Variants in FAM234A observed in about 807,000 individuals in gnomAD.
FAM234A encodes family with sequence similarity 234 member A, also known as protein FAM234A.
A neutral mutation model predicts 49.1 loss-of-function variants in FAM234A; 42 were observed. That is an observed-to-expected ratio of 0.86 (90% CI 0.67 to 1.11). The LOEUF is 1.11. FAM234A is among the 50% of genes least tolerant of loss of function. The pLI, the probability that FAM234A is intolerant of heterozygous loss-of-function variation, is 0.00. For missense variants in FAM234A, 815 were observed against 745.2 expected (o/e 1.09, Z -1.09); for synonymous variants, 369 against 316.2 (o/e 1.17, Z -1.77).
At chr16:248,675 C>T (rs954485333) in intron 1 of FAM234A, among the ~76,000 whole-genome samples, 1 of 151,840 alleles carries the variant, frequency 6.6e-6, no homozygotes, top group Admixed American at 6.6e-5. Context: ...GGATGGAGTG[C>T]AGTGTCCTGG....
chr16:239,586 G>T (rs2050540033), intron 1 of FAM234A, among the ~76,000 whole-genome samples: 1 of 148,326 alleles, frequency 6.7e-6, no homozygotes, highest in Non-Finnish European at 1.5e-5. Context: ...CTGCACTCCA[G>T]CCTGGGTGAC....
downstream of FAM234A, chr16:269,117 TGCACCCCACAGAAGACTGG>T: frequency 1.1e-6 from 1 of 890,574 alleles, no homozygotes; most frequent in Non-Finnish European, 1.8e-6. Flanking sequence ...AGGGAGGCTG[TGCACCCCACAGAAGACTGG>T]GCCCCCTGGG....
intron 3 of FAM234A, 116 bp downstream of exon 3, chr16:254,797 T>G: frequency 9.4e-7 from 1 of 1,064,748 alleles, no homozygotes; most frequent in Non-Finnish European, 1.4e-6. Flanking sequence ...AGTGAATCAA[T>G]CCCAAGAGGC....
In FAM234A at chr16:254,680, T is replaced by G; in HGVS notation, c.267T>G (p.Ala89=). 6.2e-7 allele frequency: 1 copy of G among 1,613,004 alleles called. No homozygotes were observed. Among genetic ancestry groups the G allele is most frequent in the Non-Finnish European group, 8.5e-7 (1 of 1,179,618 alleles). ...TGTGGAGGATAGACTACAGTGCCGC[T>G]GGTGAGCCTCGGCTTCCCCGCCCAG... ...QRMWRIDYSA[A]VIYDFLAVDD... Residue 89 remains alanine, a splice_region_variant and synonymous_variant, in exon 3 of 13, where the codon GCT becomes GCG. Transcript: ENST00000399932.
downstream of FAM234A, chr16:269,565 C>G (rs776533805): frequency 5.0e-6 from 8 of 1,613,394 alleles, no homozygotes; most frequent in South Asian, 5.5e-5. Context: ...TGTCAGACTT[C>G]AGGAACCTTG....
chr16:246,012 C>T (rs1389744764), intron 1 of FAM234A, among the ~76,000 whole-genome samples: 1 of 151,916 alleles, frequency 6.6e-6, no homozygotes, highest in Non-Finnish European at 1.5e-5. Context: ...CTAGACCAGC[C>T]TGATCATCAT....
rs117776583 is a variant in FAM234A at position 241,476 on chromosome 16, C to A, written c.-140+6619C>A. 5.1e-3 allele frequency among the ~76,000 whole-genome samples: 778 copies of A among 152,158 alleles called. 43 individuals carry two copies. The East Asian group carries it at 0.11, about 22-fold the overall frequency. On this transcript the variant is annotated intron_variant, in intron 1 of 12. Transcript: ENST00000399932. ...AGCTGGTGCATGCCTGTGCTCCCAGCTACTGGGGAGCCTGAGGCGGGAGGA... is the reference window on the plus strand; with the variant it reads ...AGCTGGTGCATGCCTGTGCTCCCAGATACTGGGGAGCCTGAGGCGGGAGGA...
chr16:238,265 C>T (rs1180114273), intron 1 of FAM234A, among the ~76,000 whole-genome samples: 3 of 152,110 alleles, frequency 2.0e-5, no homozygotes, highest in Non-Finnish European at 2.9e-5. Flanking sequence ...GTGATCTGCC[C>T]ATCTTGGCTT....
Position 264,927 on chromosome 16 carries a change from A to G in FAM234A, c.1564A>G (p.Ser522Gly), listed in dbSNP as rs2051638148. The change falls in exon 13 of 13, where the codon AGC becomes GGC. Residue 522 changes from serine to glycine, a missense_variant. Coordinates refer to ENST00000399932, the MANE Select transcript of FAM234A (RefSeq NM_032039.4). ...IKHKVRDLVP[S>G]SRVVRLGEGG... is the part of the protein sequence containing the mutation. ...GCACAAGGTGCGGGACCTTGTCCCAAGCAGCAGGGTGGTCCGCCTGGGTGA... is the reference window on the plus strand; with the variant it reads ...GCACAAGGTGCGGGACCTTGTCCCAGGCAGCAGGGTGGTCCGCCTGGGTGA... 6.2e-7 allele frequency: 1 copy of G among 1,612,932 alleles called. No homozygotes were observed. Among genetic ancestry groups the G allele is most frequent in the Non-Finnish European group, 8.5e-7 (1 of 1,179,866 alleles).
At chr16:253,020 GGAACCAAAA>G (rs1487691329) in intron 2 of FAM234A, among the ~76,000 whole-genome samples, 1 of 152,216 alleles carries the variant, frequency 6.6e-6, no homozygotes, top group East Asian at 1.9e-4. Flanking sequence ...TTGTTTAAAA[GGAACCAAAA>G]TAACAAAAAT....
chr16:244,281 A>C (rs2050726424), intron 1 of FAM234A, among the ~76,000 whole-genome samples: 1 of 152,162 alleles, frequency 6.6e-6, no homozygotes, highest in Non-Finnish European at 1.5e-5. Context: ...AAATGATTTT[A>C]ATGGATGGTT....
intron 1 of FAM234A, among the ~76,000 whole-genome samples, chr16:244,060 C>T (rs576853206): frequency 5.9e-5 from 9 of 152,170 alleles, no homozygotes; most frequent in African/African-American, 2.2e-4. Context: ...CCTCCGCCTC[C>T]CAGGTTCACA....
downstream of FAM234A, chr16:269,075 T>C: frequency 1.0e-6 from 1 of 985,798 alleles, no homozygotes; most frequent in South Asian, 1.4e-5. Flanking sequence ...CCTGGACCCA[T>C]TCCTTCTGGG....
intron 4 of FAM234A, 149 bp downstream of exon 4, chr16:259,748 A>T: frequency 1.4e-6 from 1 of 735,370 alleles, no homozygotes; most frequent in Non-Finnish European, 2.3e-6. Context: ...GACCAGAAAG[A>T]GGCCTGGAAG....
chr16:262,411 G>A lies in FAM234A; in HGVS notation c.842-13G>A, dbSNP rs754400648. On this transcript the variant is annotated splice_polypyrimidine_tract_variant and intron_variant, in intron 7 of 12. Transcript: ENST00000399932. ...GACCCTGGTGACCTCGGGCCCTTCT[G>A]TGTTTTGAATAGCAAGCTCCCTCTG... 2.5e-6 allele frequency: 4 copies of A among 1,589,100 alleles called. No individual in the cohort carries two copies. The highest frequency in any genetic ancestry group is 1.1e-5 in the South Asian group (1 of 87,822).
Position 260,361 on chromosome 16 carries a change from C to A in FAM234A, c.577+201C>A. 4 of 613,054 alleles carry A rather than the reference C, an allele frequency of 6.5e-6. No homozygotes were observed. The South Asian group carries it at 7.5e-5, about 11-fold the overall frequency. 38.0% of individuals were successfully genotyped at this position (613,054 alleles called of 1,614,324 possible). A position where few individuals can be genotyped will look rare whatever the true frequency, so the allele number is the denominator to read the frequency against. ...CACACGCCTCGGCTGCCTTCAGCTGCACTGTGTCTGTTACCTCCCGTTACA... is the reference window on the plus strand; with the variant it reads ...CACACGCCTCGGCTGCCTTCAGCTGAACTGTGTCTGTTACCTCCCGTTACA... On this transcript the variant is annotated intron_variant, in intron 5 of 12. Transcript: ENST00000399932.
At position 260,402 on chromosome 16, in the gene FAM234A, G is replaced by A. The variant is rs533100836; in HGVS notation, c.577+242G>A. ...TCCCGTTACACCTTGCTGGTGGGCT[G>A]TAACACACAGGGGCAGTCCGATGTC... On this transcript the variant is annotated intron_variant, in intron 5 of 12. Transcript: ENST00000399932. The A allele has an allele frequency of 3.0e-5, 17 of 574,916 alleles. No individual in the cohort carries two copies. In the East Asian group the frequency reaches 4.3e-4, roughly 14 times the overall value. 35.6% of individuals were successfully genotyped at this position (574,916 alleles called of 1,614,324 possible).
chr16:261,167 G>A, intron 5 of FAM234A: 1 of 516,682 alleles, frequency 1.9e-6, no homozygotes, highest in Non-Finnish European at 3.5e-6. Flanking sequence ...CCATACACGG[G>A]CAGGACGTGT....
At chr16:269,451 C>T (rs1470037721), downstream of FAM234A, 4 of 1,597,278 alleles carry the variant, frequency 2.5e-6, no homozygotes, top group East Asian at 4.5e-5. Flanking sequence ...CTGCAGGGCC[C>T]CAGCAGCCCC....
Sources: gnomAD v4.1 joint callset for allele counts (sites outside exome capture counted in the v4.1 genomes callset) on GRCh38, gnomAD v4.1.1 for gene constraint, MANE v1.5 for transcripts, NCBI Gene and HGNC (gene_info 2026-07-23, HGNC 2026-07-21) for gene names.